ZNF536: variants seen among roughly 807,000 people sequenced by gnomAD.
ZNF536 encodes the protein zinc finger protein 536.
ZNF536 carries 13 observed loss-of-function variants against 84.5 expected under a neutral mutation model. That is an observed-to-expected ratio of 0.15 (90% CI 0.10 to 0.24). ZNF536 has a LOEUF of 0.24. ZNF536 is among the 10% of genes least tolerant of loss of function. ZNF536 has a pLI of 1.00. For missense variants in ZNF536, 1,536 were observed against 1,747.5 expected, an observed-to-expected ratio of 0.88 and a Z score of 2.16; for synonymous variants, 811 against 742.5, an observed-to-expected ratio of 1.09 and a Z score of -1.50.
chr19:30,364,479 T>C (rs534280232), intron 3 of ZNF536, among the ~76,000 whole-genome samples: 27 of 152,300 alleles, frequency 1.8e-4, no homozygotes, highest in Middle Eastern at 6.8e-3. Context: ...GATCCCACCA[T>C]TGCATGCCAA....
At chr19:30,571,251 T>C (rs1008525079) in intron 1 of ZNF536, among the ~76,000 whole-genome samples, 1 of 152,178 alleles carries the variant, frequency 6.6e-6, no homozygotes, top group Non-Finnish European at 1.5e-5. Context: ...GTTCAAGCTG[T>C]GTCCCCAGTA....
intron 1 of ZNF536, among the ~76,000 whole-genome samples, chr19:30,687,842 T>TTA (rs537069224): frequency 6.6e-6 from 1 of 151,966 alleles, no homozygotes; most frequent in Non-Finnish European, 1.5e-5. Flanking sequence ...TGGATTTTTT[T>TTA]AAAAAAAACT....
chr19:30,411,649 T>C (rs62101946), intron 1 of ZNF536, among the ~76,000 whole-genome samples: 57,632 of 152,022 alleles, frequency 0.38, 11,588 homozygotes, highest in Admixed American at 0.58. Flanking sequence ...CTCTACCTGG[T>C]TCATTGACAT....
chr19:30,387,740 G>C (rs2049403145), intron 1 of ZNF536, among the ~76,000 whole-genome samples: 1 of 152,232 alleles, frequency 6.6e-6, no homozygotes, highest in African/African-American at 2.4e-5. Flanking sequence ...AGGGGACCTG[G>C]CTGGAAGGCA....
chr19:30,562,828 C>G (rs922568560), downstream of ZNF536, among the ~76,000 whole-genome samples: 1 of 152,090 alleles, frequency 6.6e-6, no homozygotes, highest in Admixed American at 6.5e-5. Flanking sequence ...GACCATCCCA[C>G]TTTTCCATCC....
intron 2 of ZNF536, among the ~76,000 whole-genome samples, chr19:30,325,888 G>A (rs1383122899): frequency 2.0e-5 from 3 of 152,104 alleles, no homozygotes; most frequent in Admixed American, 1.3e-4. Flanking sequence ...TGGGGGTGTC[G>A]CCTCTCCTCT....
At chr19:30,402,794 A>C (rs868606243) in intron 1 of ZNF536, among the ~76,000 whole-genome samples, 1 of 76,736 alleles carries the variant, frequency 1.3e-5, no homozygotes, top group Non-Finnish European at 3.0e-5. Flanking sequence ...TTAAAATTAA[A>C]AAATATATAT....
At chr19:30,582,604 G>T (rs1369117695) in intron 1 of ZNF536, among the ~76,000 whole-genome samples, 1 of 151,774 alleles carries the variant, frequency 6.6e-6, no homozygotes. Flanking sequence ...TTCTCACACT[G>T]CTGATAAAGA....
intron 1 of ZNF536, among the ~76,000 whole-genome samples, chr19:30,424,248 G>A (rs182485441): frequency 2.0e-5 from 3 of 152,298 alleles, no homozygotes; most frequent in Admixed American, 1.3e-4. Flanking sequence ...CTGCAGGGGG[G>A]TCTGGACTTG....
chr19:30,521,372 G>C (rs545652756), intron 2 of ZNF536, among the ~76,000 whole-genome samples: 2 of 152,134 alleles, frequency 1.3e-5, no homozygotes, highest in Non-Finnish European at 2.9e-5. Context: ...GCTTCTTCTG[G>C]GGGGCTTGTT....
chr19:30,345,845 T>C (rs951675965), intron 2 of ZNF536, among the ~76,000 whole-genome samples: 5 of 152,164 alleles, frequency 3.3e-5, no homozygotes, highest in African/African-American at 1.2e-4. Context: ...GGCCTCTGGC[T>C]TGGAATCAGT....
chr19:30,255,495 T>C (rs1407909854), intron 1 of ZNF536, among the ~76,000 whole-genome samples: 1 of 152,192 alleles, frequency 6.6e-6, no homozygotes, highest in East Asian at 1.9e-4. Flanking sequence ...CCTCAATTTG[T>C]AAAAGGCGTC....
intron 1 of ZNF536, among the ~76,000 whole-genome samples, chr19:30,624,027 G>C (rs1168076807): frequency 6.6e-6 from 1 of 152,148 alleles, no homozygotes; most frequent in Non-Finnish European, 1.5e-5. Context: ...TGCTTTGTGT[G>C]ACTTCTCTGC....
intron 1 of ZNF536, among the ~76,000 whole-genome samples, chr19:30,655,538 A>G (rs1228235408): frequency 6.6e-6 from 1 of 152,172 alleles, no homozygotes; most frequent in Non-Finnish European, 1.5e-5. Flanking sequence ...GTCAACTCAG[A>G]GAAATGGAGC....
chr19:30,335,259 C>T (rs562194320), intron 2 of ZNF536, among the ~76,000 whole-genome samples: 7 of 152,302 alleles, frequency 4.6e-5, no homozygotes, highest in East Asian at 1.9e-4. Flanking sequence ...TTTAACCTCT[C>T]GGAACCTTAG....
At chr19:30,549,712 G>A (rs1365010231) in intron 4 of ZNF536, among the ~76,000 whole-genome samples, 198 bp downstream of exon 4, 1 of 152,168 alleles carries the variant, frequency 6.6e-6, no homozygotes, top group African/African-American at 2.4e-5. Context: ...ATACTTTTGT[G>A]TTCTAATTTG....
At chr19:30,686,679 G>A (rs925045401) in intron 1 of ZNF536, among the ~76,000 whole-genome samples, 5 of 152,250 alleles carry the variant, frequency 3.3e-5, no homozygotes, top group Non-Finnish European at 5.9e-5. Context: ...ATCTGCGCGC[G>A]TCTTCATGTC....
chr19:30,279,454 G>A (rs529292286), intron 1 of ZNF536, among the ~76,000 whole-genome samples: 4 of 152,274 alleles, frequency 2.6e-5, no homozygotes, highest in Admixed American at 2.0e-4. Flanking sequence ...GCAACAATGG[G>A]TGTGTCATTT....
chr19:30,548,032 C>A lies in ZNF536; in HGVS notation c.2413C>A (p.Arg805=), dbSNP rs749973474. The part of the protein sequence containing the change: ...KYHLERHHRE[R]QNGAGPLSGQ... ...CCACTTAGAGCGACACCATCGGGAG[C>A]GGCAGAACGGGGCTGGGCCGCTGTC... The change falls in exon 4 of 5, where the codon CGG becomes AGG. Residue 805 remains arginine, a synonymous_variant. Transcript: ENST00000355537. The A allele has an allele frequency of 7.4e-6, 12 of 1,613,638 alleles. No individual in the cohort carries two copies. The highest frequency in any genetic ancestry group is 5.0e-5 in the Admixed American group (3 of 59,936).
Sources: allele counts gnomAD v4.1 joint callset (sites outside exome capture counted in the v4.1 genomes callset), GRCh38; gene constraint gnomAD v4.1.1; transcripts MANE v1.5; gene names NCBI Gene and HGNC (gene_info 2026-07-23, HGNC 2026-07-21).